The following OXR1 variants were observed in gnomAD, a reference collection of about 807,000 sequenced individuals.
OXR1 encodes oxidation resistance 1.
In OXR1, 41 loss-of-function variants were observed where a neutral mutation model predicts 104.6. That is an observed-to-expected ratio of 0.39 (90% CI 0.31 to 0.51). OXR1 has a LOEUF of 0.51. Among genes scored for constraint, OXR1 ranks in the 20% least tolerant of loss-of-function variants. OXR1 has a pLI of 0.77. For missense variants in OXR1, 955 were observed against 1,031.9 expected, an observed-to-expected ratio of 0.93 and a Z score of 1.02; for synonymous variants, 348 against 348.4, an observed-to-expected ratio of 1.00 and a Z score of 0.01.
chr8:106,593,361 A>T (rs1199164273), intron 3 of OXR1, among the ~76,000 whole-genome samples: 1 of 152,210 alleles, frequency 6.6e-6, no homozygotes, highest in African/African-American at 2.4e-5. Context: ...TTGTATAGAG[A>T]TATCATATAA....
At position 106,742,255 on chromosome 8, in the gene OXR1, G is replaced by A. The variant is rs2131580994; in HGVS notation, c.2350G>A (p.Val784Met). 1 of 1,611,830 alleles carries A rather than the reference G, an allele frequency of 6.2e-7. No individual in the cohort carries two copies. The highest frequency in any genetic ancestry group is 8.5e-7 in the Non-Finnish European group (1 of 1,178,186). ...TGCGTTAGCATCTGAGCCACTGAAAGTGAGTGATGGCTTTTATGGTACTGG... is the reference window on the plus strand; with the variant it reads ...TGCGTTAGCATCTGAGCCACTGAAAATGAGTGATGGCTTTTATGGTACTGG... ...FGALASEPLK[V>M]SDGFYGTGET... is the part of the protein sequence containing the mutation. Residue 784 changes from valine (V) to methionine (M), a missense_variant, in exon 15 of 17, where the codon GTG (valine) becomes ATG (methionine). By Grantham distance (21) the Val-to-Met change is conservative. This residue lies in a region of OXR1 where 106 missense variants were observed against 179.0 expected (regional missense o/e 0.59). Coordinates refer to ENST00000517566, the MANE Select transcript of OXR1 (RefSeq NM_001198533.2).
rs28924674 is a variant in OXR1, at chr8:106,725,565, A to G, written c.1956+11580A>G. On this transcript the variant is annotated intron_variant, in intron 11 of 16. Transcript: ENST00000517566. ...TAGTGAATATAACTACCTTTTCAAG[A>G]AATTAGATGTTAGAAAATGCAATTT... Among the ~76,000 whole-genome samples the G allele has an allele frequency of 3.6e-3, 554 of 152,352 alleles. 5 individuals are homozygous for G. Among genetic ancestry groups the G allele is most frequent in the African/African-American group, 0.012 (516 of 41,570 alleles).
chr8:106,691,641 T>TATATATAC (rs56831509), intron 6 of OXR1, among the ~76,000 whole-genome samples: 2 of 114,988 alleles, frequency 1.7e-5, no homozygotes, highest in East Asian at 5.0e-4. Context: ...TATATATATA[T>TATATATAC]ACACACACAT....
chr8:106,578,737 T>C (rs1468678200), intron 3 of OXR1, among the ~76,000 whole-genome samples: 1 of 152,216 alleles, frequency 6.6e-6, no homozygotes, highest in African/African-American at 2.4e-5. Context: ...GATTAATTTC[T>C]AGTCCACTTG....
chr8:106,378,578 C>T (rs184286060), intron 2 of OXR1, among the ~76,000 whole-genome samples: 1 of 152,182 alleles, frequency 6.6e-6, no homozygotes, highest in East Asian at 1.9e-4. Context: ...GGCACGATCT[C>T]GGCTCACCAC....
chr8:106,321,952 A>G lies in OXR1; in HGVS notation c.-138-37524A>G, dbSNP rs907893230. ...TATATCTTCATTACTCAATTAAATAAAAACTCAGCAATAACAAAACTTTAT... is the reference window on the plus strand; with the variant it reads ...TATATCTTCATTACTCAATTAAATAGAAACTCAGCAATAACAAAACTTTAT... On this transcript the variant is annotated intron_variant, in intron 1 of 16. Transcript: ENST00000517566. Among the ~76,000 whole-genome samples the G allele has an allele frequency of 3.3e-5, 5 of 152,344 alleles. No individual in the cohort carries two copies. In the South Asian group the frequency reaches 1.0e-3, roughly 32 times the overall value.
intron 1 of OXR1, among the ~76,000 whole-genome samples, chr8:106,295,158 T>G (rs1214724292): frequency 6.6e-6 from 1 of 152,194 alleles, no homozygotes; most frequent in Non-Finnish European, 1.5e-5. Context: ...GCATAATGGT[T>G]AGCACTTAAC....
At chr8:106,523,528 A>ATGAAATAGT (rs1813413716) in intron 3 of OXR1, among the ~76,000 whole-genome samples, 1 of 152,190 alleles carries the variant, frequency 6.6e-6, no homozygotes, top group African/African-American at 2.4e-5. Context: ...TCTATAGAAT[A>ATGAAATAGT]TGAAATAGAA....
chr8:106,557,166 A>G (rs1426563194), intron 3 of OXR1, among the ~76,000 whole-genome samples: 1 of 152,212 alleles, frequency 6.6e-6, no homozygotes, highest in African/African-American at 2.4e-5. Context: ...CCAATTAATT[A>G]AGATTATTTT....
intron 7 of OXR1, among the ~76,000 whole-genome samples, chr8:106,696,035 T>G (rs1342775090): frequency 6.6e-6 from 1 of 152,168 alleles, no homozygotes; most frequent in East Asian, 1.9e-4. Context: ...CTATAACAAA[T>G]GTATAGTGAC....
chr8:106,523,430 A>G (rs1813404053), intron 3 of OXR1, among the ~76,000 whole-genome samples: 1 of 152,196 alleles, frequency 6.6e-6, no homozygotes, highest in African/African-American at 2.4e-5. Context: ...ACCACCTGAT[A>G]TATACACATG....
At chr8:106,386,348 A>G (rs1489288293) in intron 2 of OXR1, among the ~76,000 whole-genome samples, 3 of 152,128 alleles carry the variant, frequency 2.0e-5, no homozygotes, top group Admixed American at 2.0e-4. Context: ...TTTAAGACAG[A>G]AGACTCTGAA....
intron 1 of OXR1, among the ~76,000 whole-genome samples, chr8:106,339,291 A>C (rs970271667): frequency 4.6e-5 from 7 of 151,024 alleles, no homozygotes; most frequent in African/African-American, 1.5e-4. Flanking sequence ...GTCAGGAGAT[A>C]GAGACCATCC....
chr8:106,366,820 G>A (rs1016116543), intron 2 of OXR1, among the ~76,000 whole-genome samples: 6 of 151,442 alleles, frequency 4.0e-5, no homozygotes, highest in African/African-American at 1.2e-4. Context: ...AGAAGAGACA[G>A]AGTAGAGTAA....
chr8:106,673,285 A>G (rs1054198729), intron 3 of OXR1, among the ~76,000 whole-genome samples: 1 of 152,230 alleles, frequency 6.6e-6, no homozygotes, highest in Non-Finnish European at 1.5e-5. Context: ...GCTATGCTTT[A>G]CAAAGAGACT....
intron 3 of OXR1, among the ~76,000 whole-genome samples, chr8:106,647,994 A>G (rs1824227734): frequency 6.6e-6 from 1 of 152,148 alleles, no homozygotes. Flanking sequence ...ATATACTTCA[A>G]TGTCTCTGTG....
At chr8:106,310,977 T>C (rs1388366385) in intron 1 of OXR1, among the ~76,000 whole-genome samples, 1 of 152,174 alleles carries the variant, frequency 6.6e-6, no homozygotes, top group Admixed American at 6.5e-5. Context: ...TCAGTTCTAG[T>C]GTATTTTCTG....
chr8:106,631,288 A>T (rs1224706964), intron 3 of OXR1, among the ~76,000 whole-genome samples: 3 of 152,224 alleles, frequency 2.0e-5, no homozygotes, highest in African/African-American at 7.2e-5. Flanking sequence ...TTATCTATAA[A>T]TAGAGATAAA....
chr8:106,595,560 A>T (rs193113899), intron 3 of OXR1, among the ~76,000 whole-genome samples: 20 of 151,926 alleles, frequency 1.3e-4, no homozygotes, highest in Non-Finnish European at 1.8e-4. Context: ...CAAAAAAAAA[A>T]AAAAAAAAAA....
Sources: allele counts gnomAD v4.1 joint callset (sites outside exome capture counted in the v4.1 genomes callset), GRCh38; gene constraint gnomAD v4.1.1; regional missense constraint gnomAD v4.1.1; transcripts MANE v1.5; gene names NCBI Gene and HGNC (gene_info 2026-07-23, HGNC 2026-07-21).